The following XNDC1N variants were observed in gnomAD, a reference collection of about 807,000 sequenced individuals.
XNDC1N encodes the protein XRCC1 N-terminal domain containing 1, N-terminal like, also known as protein XNDC1N.
the XNDC1N span, among the ~76,000 whole-genome samples, chr11:71,909,945 T>G: frequency 6.6e-6 from 1 of 152,078 alleles, no homozygotes; most frequent in African/African-American, 2.4e-5. Context: ...TTTTCTTAAC[T>G]GAGCCGGGCC....
chr11:71,894,082 A>C, the XNDC1N span: 3 of 495,584 alleles, frequency 6.1e-6, no homozygotes, highest in African/African-American at 6.0e-5. Flanking sequence ...CCATAATACT[A>C]TGTTTGGTTT....
chr11:71,883,005 A>G, the XNDC1N span, among the ~76,000 whole-genome samples: 2 of 152,218 alleles, frequency 1.3e-5, no homozygotes, highest in African/African-American at 4.8e-5. Flanking sequence ...AATAGCAAGA[A>G]AAAGATAAGA....
At chr11:71,872,596 C>T in the XNDC1N span, among the ~76,000 whole-genome samples, 6 of 151,952 alleles carry the variant, frequency 3.9e-5, no homozygotes, top group South Asian at 2.1e-4. Flanking sequence ...GGCGTGGTGG[C>T]GGGCGCCTGT....
At chr11:71,900,951 G>A in the XNDC1N span, among the ~76,000 whole-genome samples, 1 of 152,124 alleles carries the variant, frequency 6.6e-6, no homozygotes, top group Non-Finnish European at 1.5e-5. Flanking sequence ...TCCTCTCCCT[G>A]CAACCAACCT....
chr11:71,903,401 T>C, the XNDC1N span: 1 of 1,409,794 alleles, frequency 7.1e-7, no homozygotes, highest in South Asian at 1.2e-5. Context: ...TTGCCTGACA[T>C]CGGTTTCACC....
At chr11:71,896,084 C>T in the XNDC1N span, among the ~76,000 whole-genome samples, 3 of 152,316 alleles carry the variant, frequency 2.0e-5, no homozygotes, top group African/African-American at 2.4e-5. Context: ...TCGAGACCCG[C>T]CTGGCCAACA....
At chr11:71,914,206 T>C in the XNDC1N span, 4 of 447,000 alleles carry the variant, frequency 8.9e-6, no homozygotes, top group African/African-American at 2.0e-5. Flanking sequence ...CTGATGGATC[T>C]AGGAAAGTAA....
chr11:71,883,137 A>C, the XNDC1N span, among the ~76,000 whole-genome samples: 1 of 152,220 alleles, frequency 6.6e-6, no homozygotes, highest in African/African-American at 2.4e-5. Context: ...ATGAATTGGA[A>C]GACATAATAA....
the XNDC1N span, among the ~76,000 whole-genome samples, chr11:71,895,567 TCC>T: frequency 1.3e-5 from 2 of 150,316 alleles, no homozygotes; most frequent in Non-Finnish European, 2.9e-5. Flanking sequence ...CCTCAGGTGA[TCC>T]GCCCGCTTCC....
the XNDC1N span, among the ~76,000 whole-genome samples, chr11:71,900,001 G>A: frequency 6.6e-6 from 1 of 152,254 alleles, no homozygotes; most frequent in African/African-American, 2.4e-5. Context: ...ATGCTGCCTT[G>A]TTATTCTTTA....
the XNDC1N span, among the ~76,000 whole-genome samples, chr11:71,880,396 G>A: frequency 6.6e-6 from 1 of 151,936 alleles, no homozygotes; most frequent in Admixed American, 6.6e-5. Context: ...TATTTATTTG[G>A]CATTCTCTCT....
chr11:71,913,116 T>C, the XNDC1N span, among the ~76,000 whole-genome samples: 14 of 152,244 alleles, frequency 9.2e-5, no homozygotes, highest in Admixed American at 2.6e-4. Context: ...CTCTGCGATA[T>C]TGAGAGTCAT....
the XNDC1N span, among the ~76,000 whole-genome samples, chr11:71,915,401 T>A: frequency 6.8e-6 from 1 of 148,002 alleles, no homozygotes; most frequent in Non-Finnish European, 1.5e-5. Context: ...TGAGCCGAGA[T>A]CGCCCCACTG....
the XNDC1N span, among the ~76,000 whole-genome samples, chr11:71,912,544 C>T: frequency 6.6e-6 from 1 of 152,136 alleles, no homozygotes; most frequent in East Asian, 1.9e-4. Context: ...ATTACTTTGA[C>T]ATTGGGAGTA....
the XNDC1N span, among the ~76,000 whole-genome samples, chr11:71,921,372 G>A: frequency 6.6e-6 from 1 of 152,056 alleles, no homozygotes; most frequent in Non-Finnish European, 1.5e-5. Flanking sequence ...TTCAACTCCT[G>A]GGCTCAAGCA....
At chr11:71,893,645 C>T in the XNDC1N span, 43 of 1,163,464 alleles carry the variant, frequency 3.7e-5, no homozygotes, top group Admixed American at 3.5e-4. Context: ...CACACCCCCA[C>T]GTACTTCTTC....
At chr11:71,928,543 C>T in the XNDC1N span, 2 of 702,542 alleles carry the variant, frequency 2.8e-6, no homozygotes, top group Non-Finnish European at 5.2e-6. Context: ...GAAAATGAGT[C>T]CTACCGAGGC....
chr11:71,879,163 T>C, the XNDC1N span, among the ~76,000 whole-genome samples: 1 of 152,172 alleles, frequency 6.6e-6, no homozygotes, highest in Non-Finnish European at 1.5e-5. Context: ...TGCTCCACCA[T>C]AATCCTTGGT....
the XNDC1N span, among the ~76,000 whole-genome samples, chr11:71,897,632 AGTG>A: frequency 4.5e-3 from 690 of 151,882 alleles, 6 homozygotes; most frequent in African/African-American, 0.016. Context: ...ACCGTGAAGG[AGTG>A]GGGGAAAATA....
Sources: allele counts gnomAD v4.1 joint callset (sites outside exome capture counted in the v4.1 genomes callset), GRCh38; gene constraint gnomAD v4.1.1; transcripts MANE v1.5; gene names NCBI Gene and HGNC (gene_info 2026-07-23, HGNC 2026-07-21).